The following RGS5 variants were observed in gnomAD, a reference collection of about 807,000 sequenced individuals.
RGS5 encodes regulator of G-protein signalling 5.
RGS5 carries 20 observed loss-of-function variants against 18.9 expected under a neutral mutation model. That is an observed-to-expected ratio of 1.06 (90% confidence interval 0.74 to 1.54). The LOEUF (loss-of-function observed/expected upper bound fraction) is 1.54. Among genes scored for constraint, RGS5 ranks in the 40% most tolerant of loss-of-function variants. The pLI, the probability that RGS5 is intolerant of heterozygous loss-of-function variation, is 0.00. For synonymous variants in RGS5, 57 were observed against 76.2 expected (o/e 0.75, Z 1.31); for missense variants, 201 against 211.8 (o/e 0.95, Z 0.32).
At chr1:163,177,873 G>A (rs747758876) in intron 1 of RGS5, among the ~76,000 whole-genome samples, 2 of 152,136 alleles carry the variant, frequency 1.3e-5, no homozygotes, top group Non-Finnish European at 2.9e-5. Context: ...GTGTTGTGAC[G>A]TCAAAAGCAA....
intron 2 of RGS5, among the ~76,000 whole-genome samples, chr1:163,227,780 G>A (rs1418304798): frequency 1.3e-5 from 2 of 152,154 alleles, no homozygotes; most frequent in East Asian, 1.9e-4. Context: ...TACAATGGGG[G>A]TACAGGCATT....
At position 163,165,631 on chromosome 1, in the gene RGS5, C is replaced by T. The variant is rs543150474; in HGVS notation, c.155+2627G>A. Among the ~76,000 whole-genome samples the T allele has an allele frequency of 1.1e-4, 17 of 152,236 alleles. No homozygotes were observed. The East Asian group carries it at 2.5e-3, about 23-fold the overall frequency. On this transcript the variant is annotated intron_variant, in intron 2 of 4. Coordinates refer to ENST00000313961, the MANE Select transcript of RGS5 (RefSeq NM_003617.4). ...TTAAGAGTAGGTCAACTGGGCTGGG[C>T]GTGGTGGCTCACGCCTGTAATCCCA...
chr1:163,292,084 T>C (rs898211120), intron 2 of RGS5, among the ~76,000 whole-genome samples: 5 of 152,324 alleles, frequency 3.3e-5, no homozygotes, highest in African/African-American at 1.2e-4. Flanking sequence ...ACATGTGCCA[T>C]GATGGTTTGC....
chr1:163,242,750 C>G lies in RGS5; in HGVS notation c.-281+63483G>C, dbSNP rs193174972. Among the ~76,000 whole-genome samples the G allele has an allele frequency of 4.6e-5, 7 of 152,224 alleles. No homozygotes were observed. The East Asian group carries it at 1.4e-3, about 29-fold the overall frequency. On this transcript the variant is annotated intron_variant, in intron 2 of 5. Transcript: ENST00000618415. Reference sequence around the variant, plus strand: ...TGATGAAATATAGGATCGGAAAGTTCAGCAGGGGAAATGTTGACAGAGGGC... The same window carrying G: ...TGATGAAATATAGGATCGGAAAGTTGAGCAGGGGAAATGTTGACAGAGGGC...
chr1:163,206,536 T>C, upstream of RGS5, among the ~76,000 whole-genome samples: 1 of 152,134 alleles, frequency 6.6e-6, no homozygotes, highest in East Asian at 1.9e-4. Context: ...TCAAAATTCA[T>C]GTGTTAAAAC....
chr1:163,292,197 G>T (rs990125418), intron 2 of RGS5, among the ~76,000 whole-genome samples: 1 of 152,052 alleles, frequency 6.6e-6, no homozygotes, highest in African/African-American at 2.4e-5. Flanking sequence ...AGGCCCCAGT[G>T]TGTACTGTTC....
chr1:163,290,052 CT>C (rs143765831), intron 2 of RGS5, among the ~76,000 whole-genome samples: 10,271 of 152,244 alleles, frequency 0.067, 366 homozygotes, highest in South Asian at 0.094. Flanking sequence ...CATGAGACCC[CT>C]ATCTTTATAA....
intron 2 of RGS5, among the ~76,000 whole-genome samples, chr1:163,296,055 C>G (rs1156264953): frequency 6.6e-6 from 1 of 152,054 alleles, no homozygotes; most frequent in East Asian, 1.9e-4. Context: ...TTTAAAAAGT[C>G]CAATCTGATA....
At chr1:163,186,016 G>T (rs1390484917) in intron 1 of RGS5, among the ~76,000 whole-genome samples, 2 of 151,480 alleles carry the variant, frequency 1.3e-5, no homozygotes, top group Non-Finnish European at 2.9e-5. Context: ...CAGTTGCTCA[G>T]TTATTCTAAC....
intron 1 of RGS5, among the ~76,000 whole-genome samples, chr1:163,217,357 G>T (rs903996510): frequency 6.6e-6 from 1 of 152,126 alleles, no homozygotes; most frequent in African/African-American, 2.4e-5. Flanking sequence ...TTGAAGAACG[G>T]TCCCTGAAAG....
chr1:163,203,902 T>C (rs1022857915), upstream of RGS5, among the ~76,000 whole-genome samples: 4 of 7,628 alleles, frequency 5.2e-4, no homozygotes, highest in Non-Finnish European at 9.8e-4. Context: ...TAAGTTAATC[T>C]GTAAATAAAT....
At chr1:163,261,206 C>G (rs1307665149) in intron 2 of RGS5, among the ~76,000 whole-genome samples, 1 of 152,078 alleles carries the variant, frequency 6.6e-6, no homozygotes, top group Non-Finnish European at 1.5e-5. Context: ...TTATATAGGC[C>G]AAGACTAGTA....
At chr1:163,255,228 T>C (rs1648238309) in intron 2 of RGS5, among the ~76,000 whole-genome samples, 2 of 152,152 alleles carry the variant, frequency 1.3e-5, no homozygotes, top group African/African-American at 4.8e-5. Flanking sequence ...AATCTATAAA[T>C]TACCTTGGGC....
chr1:163,203,792 T>C (rs1466209107), upstream of RGS5, among the ~76,000 whole-genome samples: 2 of 152,194 alleles, frequency 1.3e-5, no homozygotes, highest in African/African-American at 4.8e-5. Context: ...AGGCTTGTCT[T>C]TCCTTCTCCT....
chr1:163,296,809 AG>A (rs923676867), intron 2 of RGS5, among the ~76,000 whole-genome samples: 64 of 152,312 alleles, frequency 4.2e-4, no homozygotes, highest in African/African-American at 1.3e-3. Flanking sequence ...TGACTGTAGA[AG>A]AACAGAATAT....
intron 3 of RGS5, 90 bp downstream of exon 3, chr1:163,161,825 G>A: frequency 1.0e-6 from 1 of 960,858 alleles, no homozygotes; most frequent in Non-Finnish European, 1.6e-6. Context: ...TGTCAACATT[G>A]GGGAAGAAGA....
intron 4 of RGS5, among the ~76,000 whole-genome samples, chr1:163,150,634 G>A (rs1253129311): frequency 6.6e-6 from 1 of 152,100 alleles, no homozygotes; most frequent in African/African-American, 2.4e-5. Context: ...GGGTGATCTG[G>A]AGAGAATTTC....
chr1:163,243,101 C>T (rs1024497260), intron 2 of RGS5, among the ~76,000 whole-genome samples: 1 of 152,148 alleles, frequency 6.6e-6, no homozygotes, highest in Non-Finnish European at 1.5e-5. Flanking sequence ...CTATGGAATA[C>T]TATGTAGCCA....
At chr1:163,208,269 A>AGCCC (rs1557905820) in intron 1 of RGS5, among the ~76,000 whole-genome samples, 4 of 145,908 alleles carry the variant, frequency 2.7e-5, no homozygotes, top group Admixed American at 6.8e-5. Context: ...AATGGCGTGA[A>AGCCC]CCCGGGAGGC....
Sources: gnomAD v4.1 joint callset for allele counts (sites outside exome capture counted in the v4.1 genomes callset) on GRCh38, gnomAD v4.1.1 for gene constraint, MANE v1.5 for transcripts, NCBI Gene and HGNC (gene_info 2026-07-23, HGNC 2026-07-21) for gene names.